DENND1A: variants seen among roughly 807,000 people sequenced by gnomAD.
The protein encoded by DENND1A is DENN domain containing 1A, also known as DENN domain-containing protein 1A.
Under a neutral mutation model 113.7 loss-of-function variants are expected in DENND1A, and 51 were observed. That is an observed-to-expected ratio of 0.45 (90% CI 0.36 to 0.57). DENND1A has a LOEUF of 0.57. Ranked by LOEUF, DENND1A falls within the 20% of genes least tolerant of loss-of-function variation. DENND1A has a pLI of 0.00. For missense variants in DENND1A, 1,258 were observed against 1,395.9 expected, an observed-to-expected ratio of 0.90 and a Z score of 1.57; for synonymous variants, 565 against 570.8, an observed-to-expected ratio of 0.99 and a Z score of 0.14.
intron 1 of DENND1A, among the ~76,000 whole-genome samples, chr9:123,894,552 G>A (rs1337386257): frequency 6.6e-6 from 1 of 152,200 alleles, no homozygotes; most frequent in Non-Finnish European, 1.5e-5. Flanking sequence ...ATCATTCTGA[G>A]CTAAGGTTGT....
intron 4 of DENND1A, among the ~76,000 whole-genome samples, chr9:123,761,766 A>G (rs1302091337): frequency 6.6e-6 from 1 of 152,174 alleles, no homozygotes; most frequent in Non-Finnish European, 1.5e-5. Context: ...CAAAGAGGTT[A>G]ACTTAAAAGG....
chr9:123,541,981 C>T (rs1415594050), intron 13 of DENND1A, among the ~76,000 whole-genome samples: 1 of 152,210 alleles, frequency 6.6e-6, no homozygotes, highest in East Asian at 1.9e-4. Context: ...AGTGCCTCTC[C>T]AACACTCAAA....
Position 123,920,752 on chromosome 9 carries a change from T to A in DENND1A, c.17+9137A>T, listed in dbSNP as rs895190023. Among the ~76,000 whole-genome samples, 22 of 151,670 alleles carry A rather than the reference T, an allele frequency of 1.5e-4. No individual in the cohort carries two copies. In the East Asian group the frequency reaches 2.7e-3, roughly 19 times the overall value. On this transcript the variant is annotated intron_variant, in intron 1 of 23. Coordinates refer to ENST00000394215, the MANE Select transcript of DENND1A (RefSeq NM_001352964.2). Reference sequence around the variant, plus strand: ...TTTTTGTAATTTTTTTTTTTTTTTTTAGTAGAGATGGGGTTTTGCCATGTT... The same window carrying A: ...TTTTTGTAATTTTTTTTTTTTTTTTAAGTAGAGATGGGGTTTTGCCATGTT...
intron 5 of DENND1A, among the ~76,000 whole-genome samples, chr9:123,709,209 T>G (rs900641452): frequency 1.3e-5 from 2 of 152,208 alleles, no homozygotes; most frequent in Non-Finnish European, 2.9e-5. Flanking sequence ...TTTAGCAGAC[T>G]CTGTAACTAA....
intron 9 of DENND1A, among the ~76,000 whole-genome samples, chr9:123,636,124 C>T (rs1234913067): frequency 1.3e-5 from 2 of 152,116 alleles, no homozygotes; most frequent in South Asian, 4.2e-4. Context: ...GCTCCAGGGC[C>T]CAGCTGGAAT....
intron 3 of DENND1A, among the ~76,000 whole-genome samples, chr9:123,790,558 T>C (rs1011226841): frequency 1.3e-5 from 2 of 152,202 alleles, no homozygotes; most frequent in African/African-American, 4.8e-5. Context: ...ACTACTATAC[T>C]ATGCGCACCT....
chr9:123,904,189 C>T (rs1352449550), intron 1 of DENND1A, among the ~76,000 whole-genome samples: 2 of 152,130 alleles, frequency 1.3e-5, no homozygotes, highest in African/African-American at 4.8e-5. Flanking sequence ...AACTAACAAA[C>T]AGGACATCCA....
chr9:123,590,941 A>T (rs1318344006), intron 11 of DENND1A, among the ~76,000 whole-genome samples: 2 of 152,204 alleles, frequency 1.3e-5, no homozygotes, highest in Non-Finnish European at 2.9e-5. Flanking sequence ...CAGGGCCACC[A>T]CCCAGTGTAC....
intron 5 of DENND1A, among the ~76,000 whole-genome samples, chr9:123,725,738 GA>G (rs2067659569): frequency 6.6e-6 from 1 of 152,258 alleles, no homozygotes; most frequent in Non-Finnish European, 1.5e-5. Context: ...GAAAGAAGGA[GA>G]ATCGATGGGT....
chr9:123,806,679 T>C (rs1415615279), intron 2 of DENND1A, among the ~76,000 whole-genome samples: 1 of 152,226 alleles, frequency 6.6e-6, no homozygotes, highest in Non-Finnish European at 1.5e-5. Context: ...ATGCTTAACC[T>C]GTACTTATTA....
At chr9:123,843,084 A>G in intron 2 of DENND1A, 1 of 536,662 alleles carries the variant, frequency 1.9e-6, no homozygotes, top group Non-Finnish European at 3.8e-6. Context: ...TATTTTATGC[A>G]TATTTTCAAT....
chr9:123,633,538 G>C (rs1280067436), intron 9 of DENND1A, among the ~76,000 whole-genome samples: 1 of 152,164 alleles, frequency 6.6e-6, no homozygotes, highest in Non-Finnish European at 1.5e-5. Flanking sequence ...TCTTTGGGAG[G>C]CTGAGGTGGG....
chr9:123,762,952 C>T (rs1010709885), intron 4 of DENND1A, among the ~76,000 whole-genome samples: 3 of 152,106 alleles, frequency 2.0e-5, no homozygotes, highest in African/African-American at 7.2e-5. Flanking sequence ...GATCAAGGAA[C>T]CAAAAGGACA....
intron 20 of DENND1A, among the ~76,000 whole-genome samples, chr9:123,408,373 T>C (rs1233591047): frequency 2.6e-5 from 4 of 152,238 alleles, no homozygotes; most frequent in Non-Finnish European, 5.9e-5. Flanking sequence ...GACTCCCAAA[T>C]TGGCCTCTTA....
chr9:123,453,677 A>T (rs1463749862), intron 16 of DENND1A, among the ~76,000 whole-genome samples: 1 of 152,172 alleles, frequency 6.6e-6, no homozygotes, highest in Non-Finnish European at 1.5e-5. Context: ...AGAGAATAAG[A>T]TACAGTAATG....
rs967911924 is a variant in DENND1A, at chr9:123,397,833, G to A, written c.1631+5569C>T. ...TACCTGAAAAGAGCAGATTTTGCAC[G>A]GATCTGGCCAGAGAAGTGAGCTGGG... On this transcript the variant is annotated intron_variant, in intron 21 of 23. Transcript: ENST00000394215. 4.6e-5 allele frequency among the ~76,000 whole-genome samples: 7 copies of A among 152,314 alleles called. No homozygotes were observed. The East Asian group carries it at 7.7e-4, about 17-fold the overall frequency.
At chr9:123,482,347 C>T (rs1191121123) in intron 13 of DENND1A, among the ~76,000 whole-genome samples, 1 of 152,336 alleles carries the variant, frequency 6.6e-6, no homozygotes. Context: ...ATCTGCCTAC[C>T]TCAGCCTCCC....
chr9:123,824,370 G>A (rs72757141), intron 2 of DENND1A, among the ~76,000 whole-genome samples: 2,734 of 152,262 alleles, frequency 0.018, 35 homozygotes, highest in Middle Eastern at 0.061. Flanking sequence ...CTCTGAAGGC[G>A]GGACAGTGGT....
intron 2 of DENND1A, among the ~76,000 whole-genome samples, chr9:123,809,756 C>G (rs1263247881): frequency 1.3e-5 from 2 of 152,148 alleles, no homozygotes; most frequent in Non-Finnish European, 2.9e-5. Flanking sequence ...CTGCAACCTC[C>G]ACCCCCTGAG....
Sources: allele counts gnomAD v4.1 joint callset (sites outside exome capture counted in the v4.1 genomes callset), GRCh38; gene constraint gnomAD v4.1.1; transcripts MANE v1.5; gene names NCBI Gene and HGNC (gene_info 2026-07-23, HGNC 2026-07-21).